Variants in BAZ2B observed in about 807,000 individuals in gnomAD.
BAZ2B encodes bromodomain adjacent to zinc finger domain 2B.
In BAZ2B, 91 loss-of-function variants were observed where a neutral mutation model predicts 246.0. The observed-to-expected ratio is 0.37, with a 90% CI of 0.31 to 0.44. BAZ2B has a LOEUF of 0.44. Among genes scored for constraint, BAZ2B ranks in the 20% least tolerant of loss-of-function variants. The pLI, the probability that BAZ2B is intolerant of heterozygous loss-of-function variation, is 1.00. For synonymous variants in BAZ2B, 855 were observed against 860.0 expected (o/e 0.99, Z 0.10); for missense variants, 2,332 against 2,533.7 (o/e 0.92, Z 1.71).
intron 27 of BAZ2B, among the ~76,000 whole-genome samples, chr2:159,356,944 C>T (rs2059176139): frequency 6.6e-6 from 1 of 152,174 alleles, no homozygotes; most frequent in African/African-American, 2.4e-5. Flanking sequence ...ACATAAAGGA[C>T]ATCCACACAG....
chr2:159,354,550 C>T (rs1192196701), intron 27 of BAZ2B, among the ~76,000 whole-genome samples: 1 of 152,032 alleles, frequency 6.6e-6, no homozygotes, highest in Non-Finnish European at 1.5e-5. Flanking sequence ...GAGGTTTTAC[C>T]ATGGTGGTCA....
At chr2:159,591,126 G>A (rs1414701747) in intron 1 of BAZ2B, among the ~76,000 whole-genome samples, 3 of 152,132 alleles carry the variant, frequency 2.0e-5, no homozygotes, top group Non-Finnish European at 2.9e-5. Context: ...TTTTGTAGAT[G>A]TTACTACCTA....
chr2:159,546,964 G>A (rs1351523897), intron 2 of BAZ2B, among the ~76,000 whole-genome samples: 5 of 152,078 alleles, frequency 3.3e-5, no homozygotes, highest in African/African-American at 9.7e-5. Context: ...AGTGCCAAGT[G>A]TCTACGTTTT....
intron 27 of BAZ2B, among the ~76,000 whole-genome samples, chr2:159,364,942 A>G (rs2060070924): frequency 2.0e-5 from 3 of 152,132 alleles, no homozygotes; most frequent in Admixed American, 6.5e-5. Flanking sequence ...CTAGTACTGC[A>G]AGTGATCTAT....
At chr2:159,400,856 CAG>C (rs2064915330) in intron 16 of BAZ2B, among the ~76,000 whole-genome samples, 192 bp from the exon 17 acceptor site, 1 of 151,988 alleles carries the variant, frequency 6.6e-6, no homozygotes, top group South Asian at 2.1e-4. Context: ...CTGGCTAACA[CAG>C]TGAAACCTCG....
At position 159,466,599 on chromosome 2, in the gene BAZ2B, T is replaced by C. The variant is rs2077079777; in HGVS notation, c.145+11976A>G. On this transcript the variant is annotated intron_variant, in intron 3 of 36. Transcript: ENST00000392783. ...TATAATTAGAGGTCTAATTAAGGTC[T>C]GTATTAGTCAAGATTCTTCACAAAA... 2.6e-5 allele frequency among the ~76,000 whole-genome samples: 4 copies of C among 152,238 alleles called. No individual in the cohort carries two copies. In the South Asian group the frequency reaches 8.3e-4, roughly 32 times the overall value.
chr2:159,542,717 A>C (rs2086806800), intron 2 of BAZ2B, among the ~76,000 whole-genome samples: 1 of 152,234 alleles, frequency 6.6e-6, no homozygotes, highest in Non-Finnish European at 1.5e-5. Flanking sequence ...GCAAGAAGGC[A>C]GTAGAAAAAC....
chr2:159,679,173 G>A, the BAZ2B span, among the ~76,000 whole-genome samples: 2 of 150,672 alleles, frequency 1.3e-5, no homozygotes, highest in Non-Finnish European at 2.9e-5. Context: ...TTGGGAGGCT[G>A]AGGCAGGAGA....
intron 1 of BAZ2B, among the ~76,000 whole-genome samples, chr2:159,575,048 GA>G (rs1684973215): frequency 6.6e-6 from 1 of 152,124 alleles, no homozygotes; most frequent in Non-Finnish European, 1.5e-5. Flanking sequence ...GATGAACTTG[GA>G]AAGCATTATG....
In BAZ2B at chr2:159,446,946, T is replaced by C; in HGVS notation, c.532A>G (p.Thr178Ala). ...GVNGSINGSN[T>A]SSVIGINTSV... is the part of the protein sequence containing the mutation. ...GTGTTGATACCAATTACAGATGATGTATTACTTCCATTTATTGACCCATTT... is the reference window on the plus strand; with the variant it reads ...GTGTTGATACCAATTACAGATGATGCATTACTTCCATTTATTGACCCATTT... The change falls in exon 6 of 37, where the codon ACA (threonine) becomes GCA (alanine). Residue 178 changes from threonine to alanine, a missense_variant. Thr to Ala is a moderately conservative substitution (Grantham distance 58). Transcript: ENST00000392783. The C allele has an allele frequency of 2.5e-6, 4 of 1,587,760 alleles. No individual in the cohort carries two copies. The highest frequency in any genetic ancestry group is 3.4e-6 in the Non-Finnish European group (4 of 1,169,540).
chr2:159,478,871 C>A, intron 2 of BAZ2B, 150 bp from the exon 3 acceptor site: 1 of 546,580 alleles, frequency 1.8e-6, no homozygotes, highest in Non-Finnish European at 2.8e-6. Flanking sequence ...TAGATAAAAA[C>A]AATATAATTT....
the BAZ2B span, among the ~76,000 whole-genome samples, chr2:159,706,596 A>C: frequency 6.6e-6 from 1 of 152,262 alleles, no homozygotes; most frequent in African/African-American, 2.4e-5. Context: ...TATTACAGGA[A>C]CAATGATTGC....
intron 36 of BAZ2B, 108 bp downstream of exon 36, chr2:159,324,703 A>T: frequency 1.8e-6 from 1 of 552,764 alleles, no homozygotes; most frequent in Non-Finnish European, 2.9e-6. Context: ...CCTCAAAGGC[A>T]GGGCCTATAT....
Position 159,432,782 on chromosome 2 carries a change from ATCTTCATCATCTTCCTCATCTTCT to A in BAZ2B, c.1851_1874del (p.Glu617_Glu624del), listed in dbSNP as rs1370785529. 3.1e-6 allele frequency: 5 copies of A among 1,612,662 alleles called. No individual in the cohort carries two copies. Among genetic ancestry groups the A allele is most frequent in the African/African-American group, 2.7e-5 (2 of 74,898 alleles). ...CTGATTGGCTGTCATCAGATTCATC[ATCTTCATCATCTTCCTCATCTTCT>A]TCTTCATCATCTTCCTCTTCATCCT... On this transcript the variant is annotated inframe_deletion, in exon 9 of 37. Coordinates refer to ENST00000392783, the MANE Select transcript of BAZ2B (RefSeq NM_013450.4).
At chr2:159,369,218 T>C (rs1398930472) in intron 27 of BAZ2B, among the ~76,000 whole-genome samples, 3 of 152,110 alleles carry the variant, frequency 2.0e-5, no homozygotes, top group African/African-American at 7.2e-5. Flanking sequence ...ATTTCGATGG[T>C]AGAAGAAAAG....
At chr2:159,400,988 C>T (rs553643033) in intron 16 of BAZ2B, among the ~76,000 whole-genome samples, 2 of 151,818 alleles carry the variant, frequency 1.3e-5, no homozygotes, top group Non-Finnish European at 2.9e-5. Context: ...AGCTTGCAGT[C>T]AGCCAAGATG....
chr2:159,399,785 G>A (rs757626694), intron 17 of BAZ2B, among the ~76,000 whole-genome samples: 16 of 152,100 alleles, frequency 1.1e-4, no homozygotes, highest in South Asian at 2.1e-4. Context: ...AGCAGTTTCC[G>A]GAATGGTGGA....
chr2:159,588,748 C>T (rs1688631982), intron 1 of BAZ2B, among the ~76,000 whole-genome samples: 1 of 152,158 alleles, frequency 6.6e-6, no homozygotes, highest in South Asian at 2.1e-4. Flanking sequence ...CATTGCTTAG[C>T]TTTGTGGCTC....
intron 2 of BAZ2B, among the ~76,000 whole-genome samples, chr2:159,535,610 T>C (rs921892129): frequency 7.9e-5 from 12 of 152,218 alleles, no homozygotes; most frequent in African/African-American, 2.7e-4. Context: ...AAAAGCTCAT[T>C]ATCAGTATGT....
Sources: allele counts gnomAD v4.1 joint callset (sites outside exome capture counted in the v4.1 genomes callset), GRCh38; gene constraint gnomAD v4.1.1; transcripts MANE v1.5; gene names NCBI Gene and HGNC (gene_info 2026-07-23, HGNC 2026-07-21).